MBD5: variants seen among roughly 807,000 people sequenced by gnomAD.
MBD5 encodes the protein methyl-CpG binding domain protein 5, also known as methyl-CpG-binding domain protein 5.
A neutral mutation model predicts 117.3 loss-of-function variants in MBD5; 13 were observed. The observed-to-expected ratio is 0.11, with a 90% confidence interval of 0.07 to 0.18. The LOEUF is 0.18. Among genes scored for constraint, MBD5 ranks in the 10% least tolerant of loss-of-function variants. The pLI, the probability that MBD5 is intolerant of heterozygous loss-of-function variation, is 1.00. For synonymous variants in MBD5, 727 were observed against 766.4 expected, an observed-to-expected ratio of 0.95 and a Z score of 0.85; for missense variants, 1,879 against 2,093.8, an observed-to-expected ratio of 0.90 and a Z score of 2.00.
At position 148,516,678 on chromosome 2, in the gene MBD5, G is replaced by A. The variant is rs1189208750; in HGVS notation, c.*3737G>A. On this transcript the variant is annotated 3_prime_UTR_variant, in exon 14 of 14. Transcript: ENST00000642680. ...AGCATGGGAAATCCTGCTAACAGTG[G>A]GGAGTCTGATATAGAAAAAATATAT... 6.6e-6 allele frequency: 1 copy of A among 152,144 alleles called. No homozygotes were observed. Among genetic ancestry groups the A allele is most frequent in the Non-Finnish European group, 1.5e-5 (1 of 68,012 alleles). 9.4% of individuals were successfully genotyped at this position (152,144 alleles called of 1,614,324 possible). A position where few individuals can be genotyped will look rare whatever the true frequency, so the allele number is the denominator to read the frequency against.
chr2:148,058,697 A>G (rs1406421803), intron 1 of MBD5, among the ~76,000 whole-genome samples: 5 of 152,132 alleles, frequency 3.3e-5, no homozygotes, highest in Admixed American at 1.3e-4. Flanking sequence ...GCTAACTACT[A>G]TGTAGGACAG....
chr2:148,227,365 T>A (rs1193156976), intron 2 of MBD5, among the ~76,000 whole-genome samples: 1 of 152,240 alleles, frequency 6.6e-6, no homozygotes, highest in Non-Finnish European at 1.5e-5. Context: ...ATTTATTAAA[T>A]AGGGAATCCT....
rs1706968583 is a variant in MBD5 at position 148,458,890 on chromosome 2, C to T, written c.113+19C>T. 2 of 1,577,244 alleles carry T rather than the reference C, an allele frequency of 1.3e-6. No individual in the cohort carries two copies. Among genetic ancestry groups the T allele is most frequent in the South Asian group, 2.2e-5 (2 of 90,376 alleles). ...ATGTCAGGTAAGTTCTTATTATTAC[C>T]TGTGGTACCTGCAAAGTTGTACTCC... On this transcript the variant is annotated intron_variant, in intron 5 of 13. Coordinates refer to ENST00000642680, the MANE Select transcript of MBD5 (RefSeq NM_001378120.1).
chr2:148,361,716 G>T (rs1574334080), intron 4 of MBD5, among the ~76,000 whole-genome samples: 1 of 152,206 alleles, frequency 6.6e-6, no homozygotes, highest in Admixed American at 6.5e-5. Flanking sequence ...GCATCAAAAT[G>T]GTGGTGGCTG....
intron 1 of MBD5, among the ~76,000 whole-genome samples, chr2:148,087,679 T>A (rs896514985): frequency 6.6e-6 from 1 of 152,088 alleles, no homozygotes; most frequent in Non-Finnish European, 1.5e-5. Context: ...GTGCACCATA[T>A]CAAGGGATTG....
intron 3 of MBD5, among the ~76,000 whole-genome samples, chr2:148,322,247 T>G (rs569845676): frequency 6.6e-6 from 1 of 152,376 alleles, no homozygotes; most frequent in South Asian, 2.1e-4. Flanking sequence ...TAAATTGGCT[T>G]ATACAACTAA....
intron 1 of MBD5, among the ~76,000 whole-genome samples, chr2:148,073,216 T>C (rs1558914298): frequency 1.3e-5 from 2 of 152,164 alleles, no homozygotes. Context: ...GGTGATGAAG[T>C]CAATGTAGAA....
At chr2:148,308,289 CT>C (rs1438991498) in intron 3 of MBD5, among the ~76,000 whole-genome samples, 3 of 152,140 alleles carry the variant, frequency 2.0e-5, no homozygotes, top group African/African-American at 7.2e-5. Flanking sequence ...TCTCCACATC[CT>C]CTGCAGCATC....
intron 1 of MBD5, among the ~76,000 whole-genome samples, chr2:148,118,427 T>TAAAA (rs11393692): frequency 8.2e-5 from 12 of 145,574 alleles, no homozygotes; most frequent in African/African-American, 3.1e-4. Context: ...CTGGGCAACA[T>TAAAA]AAAAAAAAAT....
chr2:148,033,509 A>C (rs897051009), intron 1 of MBD5, among the ~76,000 whole-genome samples: 2 of 152,178 alleles, frequency 1.3e-5, no homozygotes, highest in Admixed American at 6.5e-5. Context: ...CTCTTTGGAC[A>C]CTAGTTTCTG....
At chr2:148,370,875 A>AT (rs966491863) in intron 4 of MBD5, among the ~76,000 whole-genome samples, 4 of 152,136 alleles carry the variant, frequency 2.6e-5, no homozygotes, top group Non-Finnish European at 5.9e-5. Flanking sequence ...ACCTGCTTTA[A>AT]TTTTTTTAAT....
chr2:148,328,408 G>A (rs747345326), intron 3 of MBD5, among the ~76,000 whole-genome samples: 5 of 152,212 alleles, frequency 3.3e-5, no homozygotes, highest in Admixed American at 1.3e-4. Context: ...ACCTAAGCAA[G>A]CCTGGGCAAT....
At chr2:148,125,795 A>G (rs921124999) in intron 1 of MBD5, among the ~76,000 whole-genome samples, 1 of 152,250 alleles carries the variant, frequency 6.6e-6, no homozygotes, top group Non-Finnish European at 1.5e-5. Context: ...CACAAGGGCT[A>G]TGGCTGCCAC....
chr2:148,340,080 A>G (rs1702898231), intron 3 of MBD5, among the ~76,000 whole-genome samples: 1 of 151,926 alleles, frequency 6.6e-6, no homozygotes, highest in African/African-American at 2.4e-5. Flanking sequence ...ATTCTCAGCA[A>G]CTCCTTCCAT....
At chr2:148,388,502 C>T (rs1307990762) in intron 4 of MBD5, among the ~76,000 whole-genome samples, 1 of 152,038 alleles carries the variant, frequency 6.6e-6, no homozygotes, top group African/African-American at 2.4e-5. Flanking sequence ...TTCATAGCTC[C>T]CATATATGTG....
At chr2:148,217,857 A>G (rs1288448044) in intron 2 of MBD5, among the ~76,000 whole-genome samples, 1 of 151,982 alleles carries the variant, frequency 6.6e-6, no homozygotes, top group African/African-American at 2.4e-5. Context: ...ACCCTCACGG[A>G]GTTGTCATTA....
chr2:148,274,089 T>G (rs1405549387), intron 3 of MBD5, among the ~76,000 whole-genome samples: 1 of 152,148 alleles, frequency 6.6e-6, no homozygotes, highest in Non-Finnish European at 1.5e-5. Context: ...TATCATATTC[T>G]TATTCTACTA....
intron 4 of MBD5, among the ~76,000 whole-genome samples, chr2:148,413,654 T>C (rs569892158): frequency 1.3e-5 from 2 of 151,928 alleles, no homozygotes; most frequent in Non-Finnish European, 2.9e-5. Context: ...TCAGAACTCA[T>C]TATTGGTCTG....
At chr2:148,091,319 TA>T (rs1164037523) in intron 1 of MBD5, among the ~76,000 whole-genome samples, 1 of 151,982 alleles carries the variant, frequency 6.6e-6, no homozygotes, top group Non-Finnish European at 1.5e-5. Flanking sequence ...CTCAAATTCA[TA>T]TAGAACCAAA....
Sources: gnomAD v4.1 joint callset for allele counts (sites outside exome capture counted in the v4.1 genomes callset) on GRCh38, gnomAD v4.1.1 for gene constraint, MANE v1.5 for transcripts, NCBI Gene and HGNC (gene_info 2026-07-23, HGNC 2026-07-21) for gene names.